Variants in CCSER1 observed in about 807,000 individuals in gnomAD.
CCSER1 encodes serine-rich coiled-coil domain-containing protein 1.
In CCSER1, 41 loss-of-function variants were observed where a neutral mutation model predicts 82.0. The observed-to-expected ratio is 0.50, with a 90% CI of 0.39 to 0.65. CCSER1 has a LOEUF of 0.65. Ranked by LOEUF, CCSER1 falls within the 30% of genes least tolerant of loss-of-function variation. The probability of loss-of-function intolerance (pLI) is 0.00; values close to 1 mark genes in which losing one functional copy is unlikely to be tolerated. For missense variants in CCSER1, 1,119 were observed against 1,064.2 expected (o/e 1.05, Z -0.72); for synonymous variants, 414 against 383.9 (o/e 1.08, Z -0.92).
intron 8 of CCSER1, among the ~76,000 whole-genome samples, chr4:90,887,860 G>A (rs1010316955): frequency 6.6e-5 from 10 of 151,964 alleles, no homozygotes; most frequent in African/African-American, 1.5e-4. Flanking sequence ...CCAGCCTGGC[G>A]ACAGAGCAAG....
intron 1 of CCSER1, among the ~76,000 whole-genome samples, chr4:90,289,616 G>T (rs1048461477): frequency 1.3e-5 from 2 of 151,784 alleles, no homozygotes; most frequent in African/African-American, 4.8e-5. Context: ...TTAATTTGTA[G>T]CTCACATAGA....
At chr4:91,194,714 A>G (rs2149054699) in intron 10 of CCSER1, among the ~76,000 whole-genome samples, 1 of 152,244 alleles carries the variant, frequency 6.6e-6, no homozygotes, top group Non-Finnish European at 1.5e-5. Flanking sequence ...AGAAAGAGAG[A>G]GGTTGTTTGC....
intron 10 of CCSER1, among the ~76,000 whole-genome samples, chr4:91,312,976 C>G (rs80069295): frequency 1.3e-5 from 2 of 151,860 alleles, no homozygotes; most frequent in Non-Finnish European, 2.9e-5. Context: ...TACCCCTTTC[C>G]AAGATTAAAA....
chr4:90,307,714 G>GTGTCAGGCTATACCAT (rs1734566112), intron 1 of CCSER1, among the ~76,000 whole-genome samples: 1 of 151,894 alleles, frequency 6.6e-6, no homozygotes, highest in South Asian at 2.1e-4. Context: ...GCTGATTGTA[G>GTGTCAGGCTATACCAT]TGTCAGGCTA....
At chr4:90,478,123 G>A (rs1765356584) in intron 5 of CCSER1, among the ~76,000 whole-genome samples, 1 of 152,164 alleles carries the variant, frequency 6.6e-6, no homozygotes, top group African/African-American at 2.4e-5. Context: ...GGGAATGCCT[G>A]TTGTAAAATG....
intron 10 of CCSER1, among the ~76,000 whole-genome samples, chr4:91,115,063 A>G (rs1726430005): frequency 6.6e-6 from 1 of 152,210 alleles, no homozygotes; most frequent in African/African-American, 2.4e-5. Flanking sequence ...CAAAAATTAG[A>G]AATAGTTTTA....
At chr4:90,895,612 AT>A (rs1723592716) in intron 8 of CCSER1, among the ~76,000 whole-genome samples, 1 of 151,984 alleles carries the variant, frequency 6.6e-6, no homozygotes, top group African/African-American at 2.4e-5. Flanking sequence ...AATCATTTAC[AT>A]TTTAAATACC....
At chr4:90,657,009 T>A (rs1323497665) in intron 6 of CCSER1, among the ~76,000 whole-genome samples, 1 of 152,074 alleles carries the variant, frequency 6.6e-6, no homozygotes, top group Non-Finnish European at 1.5e-5. Flanking sequence ...TTTATTAAGA[T>A]TTACCTAAAT....
At chr4:91,024,941 C>T (rs1199074784) in intron 9 of CCSER1, among the ~76,000 whole-genome samples, 1 of 151,864 alleles carries the variant, frequency 6.6e-6, no homozygotes, top group African/African-American at 2.4e-5. Flanking sequence ...TTTAAATGAC[C>T]TTACAATCAT....
rs760102461 is a variant in CCSER1, at chr4:91,085,965, A to C, written c.2188A>C (p.Arg730=). ...TCTTTTTCAGGGTTTAAACTTGAAA[A>C]GACTAGAGACAGTACAAGGAGGGAG... ...LLCYDGLNLK[R]LETVQGGREA... The change falls in exon 10 of 11, where the codon AGA becomes CGA. Residue 730 remains arginine, a synonymous_variant. Coordinates refer to ENST00000509176, the MANE Select transcript of CCSER1 (RefSeq NM_001145065.2). 2.2e-5 allele frequency: 33 copies of C among 1,528,396 alleles called. No homozygotes were observed. In the African/African-American group the frequency reaches 3.9e-4, roughly 18 times the overall value. 94.7% of individuals were successfully genotyped at this position (1,528,396 alleles called of 1,614,324 possible). A position where few individuals can be genotyped will look rare whatever the true frequency, so the allele number is the denominator to read the frequency against.
chr4:90,867,234 T>G (rs952002866), intron 8 of CCSER1, among the ~76,000 whole-genome samples: 1 of 151,980 alleles, frequency 6.6e-6, no homozygotes, highest in African/African-American at 2.4e-5. Context: ...AGTAAACTTA[T>G]TTCTATCCAC....
At chr4:91,468,129 T>A (rs1418711579) in intron 10 of CCSER1, among the ~76,000 whole-genome samples, 1 of 152,146 alleles carries the variant, frequency 6.6e-6, no homozygotes, top group Non-Finnish European at 1.5e-5. Context: ...TAGACTGGAT[T>A]AAGAATATGT....
At chr4:90,846,830 G>A (rs547739587) in intron 8 of CCSER1, among the ~76,000 whole-genome samples, 2 of 152,166 alleles carry the variant, frequency 1.3e-5, no homozygotes, top group African/African-American at 4.8e-5. Context: ...TGTATTTTTA[G>A]TAGAGATGGG....
At chr4:91,266,205 C>G (rs1296390552) in intron 10 of CCSER1, among the ~76,000 whole-genome samples, 1 of 151,862 alleles carries the variant, frequency 6.6e-6, no homozygotes, top group African/African-American at 2.4e-5. Flanking sequence ...AATTTTAAGC[C>G]CTAAGACCAC....
chr4:90,886,331 T>C (rs565394472), intron 8 of CCSER1, among the ~76,000 whole-genome samples: 2 of 152,258 alleles, frequency 1.3e-5, no homozygotes, highest in South Asian at 4.1e-4. Flanking sequence ...CAGGTTCTGA[T>C]TCAGCTTCAG....
chr4:90,637,177 A>G (rs947458100), intron 6 of CCSER1, among the ~76,000 whole-genome samples: 3 of 152,150 alleles, frequency 2.0e-5, no homozygotes, highest in Admixed American at 2.0e-4. Context: ...GTAGTCATGA[A>G]TTCTTGGCTA....
chr4:90,977,977 T>A (rs1164894435), intron 9 of CCSER1, among the ~76,000 whole-genome samples: 3 of 151,714 alleles, frequency 2.0e-5, no homozygotes, highest in African/African-American at 7.3e-5. Context: ...ATTAATTAAC[T>A]GATAACAGTT....
chr4:91,331,857 A>C (rs1028136423), intron 10 of CCSER1, among the ~76,000 whole-genome samples: 3 of 152,114 alleles, frequency 2.0e-5, no homozygotes, highest in Admixed American at 6.6e-5. Flanking sequence ...CTACACTTGA[A>C]ACTAAGTAGG....
intron 10 of CCSER1, among the ~76,000 whole-genome samples, chr4:91,174,476 G>C (rs1188304298): frequency 6.6e-6 from 1 of 151,912 alleles, no homozygotes. Flanking sequence ...ATAAGTTCTG[G>C]GAAGCATGTG....
Sources: allele counts gnomAD v4.1 joint callset (sites outside exome capture counted in the v4.1 genomes callset), GRCh38; gene constraint gnomAD v4.1.1; transcripts MANE v1.5; gene names NCBI Gene and HGNC (gene_info 2026-07-23, HGNC 2026-07-21).